DTHD1: variants seen among roughly 807,000 people sequenced by gnomAD.
DTHD1 encodes the protein death domain-containing protein 1.
A neutral mutation model predicts 74.8 loss-of-function variants in DTHD1; 59 were observed. The ratio of observed to expected loss-of-function variants is 0.79; its 90% CI spans 0.64 to 0.98. The LOEUF (loss-of-function observed/expected upper bound fraction) is 0.98. Among genes scored for constraint, DTHD1 ranks in the 50% least tolerant of loss-of-function variants. The pLI is 0.00. For missense variants in DTHD1, 1,051 were observed against 1,065.4 expected, an observed-to-expected ratio of 0.99 and a Z score of 0.19; for synonymous variants, 365 against 371.1, an observed-to-expected ratio of 0.98 and a Z score of 0.19.
chr4:36,318,576 T>A (rs1757862400), intron 8 of DTHD1, among the ~76,000 whole-genome samples: 1 of 152,006 alleles, frequency 6.6e-6, no homozygotes, highest in South Asian at 2.1e-4. Context: ...GGTGTACATC[T>A]ATCAGTTTTG....
At position 36,346,827 on chromosome 4, in the gene DTHD1, T is replaced by C. The variant is rs1759611681; in HGVS notation, c.*3003T>C. On this transcript the variant is annotated 3_prime_UTR_variant, in exon 10 of 10. Coordinates refer to ENST00000639862, the MANE Select transcript of DTHD1 (RefSeq NM_001170700.3). ...CACTGCTCCTCTCAAGAAGGCCACC[T>C]CTAGCCAACTCTCTCCTGTGCTTTG... 6.6e-6 allele frequency among the ~76,000 whole-genome samples: 1 copy of C among 152,074 alleles called. No homozygotes were observed. Among genetic ancestry groups the C allele is most frequent in the Admixed American group, 6.6e-5 (1 of 15,258 alleles).
At chr4:36,304,890 G>T (rs753746513) in intron 5 of DTHD1, among the ~76,000 whole-genome samples, 8 of 151,768 alleles carry the variant, frequency 5.3e-5, no homozygotes, top group Admixed American at 3.9e-4. Context: ...AATTTTCATT[G>T]ACCAAGGTAC....
rs1755554462 is a variant in DTHD1 at position 36,284,101 on chromosome 4, C to T, written c.397C>T (p.Gln133Ter). The T allele has an allele frequency of 6.5e-7, 1 of 1,537,200 alleles. No homozygotes were observed. Among genetic ancestry groups the T allele is most frequent in the Non-Finnish European group, 8.7e-7 (1 of 1,146,890 alleles). ...CGGCATGCATGATGAATGTACTCCA[C>T]AGCAGACAATGTCCTCCATTCAAGA... ...LCGMHDECTP[Q>*]QTMSSIQDTK... Residue 133 changes from glutamine (Q) to a stop codon, truncating the protein, a stop_gained, in exon 2 of 10, where the codon CAG becomes TAG. Transcript: ENST00000639862. LOFTEE classifies it high-confidence loss of function.
At chr4:36,291,853 G>A (rs1560788202) in intron 3 of DTHD1, among the ~76,000 whole-genome samples, 1 of 152,084 alleles carries the variant, frequency 6.6e-6, no homozygotes, top group Non-Finnish European at 1.5e-5. Flanking sequence ...AATAAATTTA[G>A]TATGGAGTTT....
intron 6 of DTHD1, among the ~76,000 whole-genome samples, 184 bp downstream of exon 6, chr4:36,306,536 T>C (rs1038209085): frequency 1.3e-5 from 2 of 152,260 alleles, no homozygotes; most frequent in Non-Finnish European, 1.5e-5. Flanking sequence ...ATTTCATTTA[T>C]GATAGTTAAA....
intron 8 of DTHD1, among the ~76,000 whole-genome samples, chr4:36,327,023 G>A (rs2056858875): frequency 6.6e-6 from 1 of 151,128 alleles, no homozygotes; most frequent in Admixed American, 6.6e-5. Flanking sequence ...CCGGAGTGCA[G>A]TGGCATGATC....
At chr4:36,338,543 A>G (rs1759135875) in intron 8 of DTHD1, among the ~76,000 whole-genome samples, 1 of 151,508 alleles carries the variant, frequency 6.6e-6, no homozygotes, top group Non-Finnish European at 1.5e-5. Context: ...AACCCAGATA[A>G]TTTTATTTTA....
At chr4:36,333,622 G>A (rs963713219) in intron 8 of DTHD1, 1 of 152,362 alleles carries the variant, frequency 6.6e-6, no homozygotes, top group African/African-American at 2.4e-5. Context: ...CAGCAGAGCA[G>A]CAGTAGGGCA....
intron 2 of DTHD1, among the ~76,000 whole-genome samples, chr4:36,285,251 G>A (rs1347895577): frequency 1.3e-5 from 2 of 152,098 alleles, no homozygotes; most frequent in Non-Finnish European, 2.9e-5. Flanking sequence ...AAATTACTAC[G>A]AGTTCAAATA....
At chr4:36,308,570 T>C (rs922681413) in intron 7 of DTHD1, 77 bp downstream of exon 7, 2 of 1,233,318 alleles carry the variant, frequency 1.6e-6, no homozygotes, top group Admixed American at 2.7e-5. Context: ...GCTAAACTTG[T>C]GTTACTAAGG....
At chr4:36,301,825 T>A (rs1467576634) in intron 5 of DTHD1, among the ~76,000 whole-genome samples, 2 of 151,810 alleles carry the variant, frequency 1.3e-5, no homozygotes, top group Non-Finnish European at 2.9e-5. Flanking sequence ...GGTGCAACAT[T>A]ATTGAAACGT....
Position 36,343,622 on chromosome 4 carries a change from AC to A in DTHD1, c.2522del (p.Pro841LeufsTer63), listed in dbSNP as rs1759443130. 1 of 1,551,774 alleles carries A rather than the reference AC, an allele frequency of 6.4e-7. No homozygotes were observed. The highest frequency in any genetic ancestry group is 1.4e-5 in the African/African-American group (1 of 73,096). ...RSTIQLIKLK[N>X]PDDLTEQIHE... ...ACCATTCAGCTCATCAAACTCAAGA[AC>A]CCTGATGATCTCACAGAACAGATCC... On this transcript the variant is annotated frameshift_variant, in exon 10 of 10. Transcript: ENST00000639862. LOFTEE classifies it high-confidence loss of function.
At chr4:36,311,866 T>A (rs922879081) in intron 7 of DTHD1, 1 of 152,216 alleles carries the variant, frequency 6.6e-6, no homozygotes, top group East Asian at 1.9e-4. Flanking sequence ...ATTATAGTAT[T>A]AAGTGCAATT....
rs1373679500 is a variant in DTHD1 at position 36,346,531 on chromosome 4, T to A, written c.*2707T>A. ...TGCAGCATCTCCTCTCTTAAGATAATCCAGGAAATCAATCCCATGTGTAAT... is the reference window on the plus strand; with the variant it reads ...TGCAGCATCTCCTCTCTTAAGATAAACCAGGAAATCAATCCCATGTGTAAT... On this transcript the variant is annotated 3_prime_UTR_variant, in exon 10 of 10. Coordinates refer to ENST00000639862, the MANE Select transcript of DTHD1 (RefSeq NM_001170700.3). 3.3e-5 allele frequency among the ~76,000 whole-genome samples: 5 copies of A among 151,994 alleles called. No individual in the cohort carries two copies. Among genetic ancestry groups the A allele is most frequent in the Non-Finnish European group, 4.4e-5 (3 of 67,990 alleles).
At chr4:36,294,658 G>A in intron 4 of DTHD1, 137 bp from the exon 5 acceptor site, 1 of 735,238 alleles carries the variant, frequency 1.4e-6, no homozygotes, top group South Asian at 4.4e-5. Context: ...AAAATGCATT[G>A]TTGATTACAA....
In DTHD1 at chr4:36,284,163, A is replaced by G; in HGVS notation, c.459A>G (p.Leu153=). 6.5e-7 allele frequency: 1 copy of G among 1,537,260 alleles called. No homozygotes were observed. Among genetic ancestry groups the G allele is most frequent in the Non-Finnish European group, 8.7e-7 (1 of 1,146,890 alleles). The change falls in exon 2 of 10, where the codon CTA becomes CTG. Residue 153 remains leucine (L), a synonymous_variant. Transcript: ENST00000639862. ...KAADIAARGE[L]NVIETATVSP... Reference sequence around the variant, plus strand: ...CAGACATTGCTGCAAGAGGGGAACTAAATGTCATAGAAACAGCTACTGTTT... The same window carrying G: ...CAGACATTGCTGCAAGAGGGGAACTGAATGTCATAGAAACAGCTACTGTTT...
At chr4:36,282,785 A>G (rs1368471106) in intron 1 of DTHD1, among the ~76,000 whole-genome samples, 1 of 152,206 alleles carries the variant, frequency 6.6e-6, no homozygotes, top group Admixed American at 6.5e-5. Flanking sequence ...AAGAAATTCA[A>G]TCTAAAGGGC....
chr4:36,302,141 C>T (rs1486548813), intron 5 of DTHD1, among the ~76,000 whole-genome samples: 1 of 152,124 alleles, frequency 6.6e-6, no homozygotes, highest in African/African-American at 2.4e-5. Flanking sequence ...TCTTGTTTTT[C>T]CTCACCTTAA....
At chr4:36,312,828 G>C (rs1287995517) in intron 7 of DTHD1, among the ~76,000 whole-genome samples, 1 of 152,204 alleles carries the variant, frequency 6.6e-6, no homozygotes, top group African/African-American at 2.4e-5. Flanking sequence ...TCTGCTGAGT[G>C]ATTTGGGGAA....
Sources: allele counts gnomAD v4.1 joint callset (sites outside exome capture counted in the v4.1 genomes callset), GRCh38; gene constraint gnomAD v4.1.1; transcripts MANE v1.5; gene names NCBI Gene and HGNC (gene_info 2026-07-23, HGNC 2026-07-21).